SLC14A2: variants seen among roughly 807,000 people sequenced by gnomAD.
The protein encoded by SLC14A2 is solute carrier family 14 member 2.
SLC14A2 carries 91 observed loss-of-function variants against 104.6 expected under a neutral mutation model. That is an observed-to-expected ratio of 0.87 (90% confidence interval 0.73 to 1.04). The LOEUF is 1.04. Ranked by LOEUF, SLC14A2 falls within the 50% of genes least tolerant of loss-of-function variation. The pLI is 0.00. For synonymous variants in SLC14A2, 476 were observed against 466.4 expected (o/e 1.02, Z -0.27); for missense variants, 1,189 against 1,156.0 (o/e 1.03, Z -0.41).
chr18:45,420,897 C>T (rs1001222164), intron 1 of SLC14A2, among the ~76,000 whole-genome samples: 7 of 151,938 alleles, frequency 4.6e-5, no homozygotes, highest in African/African-American at 7.3e-5. Flanking sequence ...TGCACCACCA[C>T]GCCTAGCTAA....
chr18:45,375,541 C>T (rs1239215719), intron 1 of SLC14A2, among the ~76,000 whole-genome samples: 5 of 152,218 alleles, frequency 3.3e-5, no homozygotes, highest in Non-Finnish European at 7.3e-5. Context: ...TCCTTAAAAA[C>T]TCTGATTCCA....
chr18:45,265,062 G>C lies in SLC14A2; in HGVS notation c.-125+51871G>C, dbSNP rs529346126. 2.0e-5 allele frequency among the ~76,000 whole-genome samples: 3 copies of C among 152,094 alleles called. No individual in the cohort carries two copies. The East Asian group carries it at 5.8e-4, about 29-fold the overall frequency. ...AACCCAGTGAGTGGGCCATGTCTTTGTATGCACCTATACATTCACTCAGTT... is the reference window on the plus strand; with the variant it reads ...AACCCAGTGAGTGGGCCATGTCTTTCTATGCACCTATACATTCACTCAGTT... On this transcript the variant is annotated intron_variant, in intron 1 of 20. Coordinates refer to the SLC14A2 transcript ENST00000586448.
At chr18:45,544,447 C>T (rs1017619821) in intron 2 of SLC14A2, among the ~76,000 whole-genome samples, 14 of 152,114 alleles carry the variant, frequency 9.2e-5, no homozygotes, top group African/African-American at 2.4e-4. Flanking sequence ...CAATTGCATT[C>T]TTGTTTGTTC....
At chr18:45,503,310 A>G (rs1299044172) in intron 2 of SLC14A2, among the ~76,000 whole-genome samples, 1 of 152,146 alleles carries the variant, frequency 6.6e-6, no homozygotes, top group Non-Finnish European at 1.5e-5. Flanking sequence ...AACAAGCTCT[A>G]CAAGGGGTCT....
At chr18:45,382,841 G>A (rs1386034953) in intron 1 of SLC14A2, among the ~76,000 whole-genome samples, 1 of 152,214 alleles carries the variant, frequency 6.6e-6, no homozygotes, top group Admixed American at 6.5e-5. Flanking sequence ...TTCATGGGCA[G>A]TATATGGGAG....
chr18:45,434,746 G>A (rs1344711270), intron 1 of SLC14A2, among the ~76,000 whole-genome samples: 1 of 152,138 alleles, frequency 6.6e-6, no homozygotes, highest in South Asian at 2.1e-4. Context: ...ACTGCAATTG[G>A]TTTCTAAAGA....
chr18:45,415,810 T>C (rs577181378), intron 1 of SLC14A2, among the ~76,000 whole-genome samples: 303 of 152,234 alleles, frequency 2.0e-3, no homozygotes, highest in Middle Eastern at 6.8e-3. Flanking sequence ...ACATTGGGTC[T>C]GTGGGGGATA....
upstream of SLC14A2, among the ~76,000 whole-genome samples, chr18:45,612,651 T>G (rs73423771): frequency 6.6e-6 from 1 of 152,348 alleles, no homozygotes; most frequent in East Asian, 1.9e-4. Context: ...AGAGAGGTTG[T>G]GGGGCTTCCC....
intron 1 of SLC14A2, among the ~76,000 whole-genome samples, chr18:45,452,552 A>G (rs568344340): frequency 2.3e-4 from 35 of 152,354 alleles, no homozygotes; most frequent in African/African-American, 7.5e-4. Flanking sequence ...GGTGAATGCC[A>G]TAGAAATTAG....
intron 2 of SLC14A2, among the ~76,000 whole-genome samples, chr18:45,551,023 TAG>T (rs1217266183): frequency 1.3e-5 from 2 of 152,300 alleles, no homozygotes; most frequent in Non-Finnish European, 2.9e-5. Flanking sequence ...GAATTTCATT[TAG>T]ATACAGAAAG....
chr18:45,287,705 T>C (rs2084828561), intron 1 of SLC14A2, among the ~76,000 whole-genome samples: 1 of 152,182 alleles, frequency 6.6e-6, no homozygotes, highest in Non-Finnish European at 1.5e-5. Flanking sequence ...ACTTCCACCT[T>C]CTCTGGCTTC....
intron 1 of SLC14A2, among the ~76,000 whole-genome samples, chr18:45,440,220 T>TTG (rs1015190649): frequency 1.3e-5 from 2 of 149,688 alleles, no homozygotes; most frequent in African/African-American, 2.5e-5. Context: ...TTTTTCAAGT[T>TTG]TTTTTTTTTT....
upstream of SLC14A2, among the ~76,000 whole-genome samples, chr18:45,612,915 T>C (rs1282193893): frequency 6.6e-6 from 1 of 152,228 alleles, no homozygotes; most frequent in Non-Finnish European, 1.5e-5. Context: ...TGTGACAAGG[T>C]CCAAGTTTGC....
intron 2 of SLC14A2, among the ~76,000 whole-genome samples, chr18:45,569,049 C>A (rs2044308347): frequency 6.6e-6 from 1 of 152,168 alleles, no homozygotes; most frequent in Non-Finnish European, 1.5e-5. Flanking sequence ...CCACCTCTCC[C>A]ATTTCTCCCT....
chr18:45,179,574 C>G, the SLC14A2 span, among the ~76,000 whole-genome samples: 1 of 152,150 alleles, frequency 6.6e-6, no homozygotes, highest in Non-Finnish European at 1.5e-5. Flanking sequence ...TCCTAAACAT[C>G]CAGCTGACAT....
intron 2 of SLC14A2, among the ~76,000 whole-genome samples, chr18:45,505,965 C>CTGAAAACTTCAGAGAAGCACCT (rs1465747249): frequency 2.0e-5 from 3 of 152,154 alleles, no homozygotes; most frequent in African/African-American, 7.2e-5. Flanking sequence ...AAGGGCCAAG[C>CTGAAAACTTCAGAGAAGCACCT]TGAAAACTTC....
intron 1 of SLC14A2, among the ~76,000 whole-genome samples, chr18:45,237,349 G>C (rs7227362): frequency 6.6e-6 from 1 of 152,120 alleles, no homozygotes; most frequent in Non-Finnish European, 1.5e-5. Context: ...CCCTGGTTAC[G>C]TATAAAGATG....
chr18:45,187,202 G>A, the SLC14A2 span, among the ~76,000 whole-genome samples: 19 of 152,228 alleles, frequency 1.2e-4, 1 homozygote, highest in Non-Finnish European at 1.0e-4. Context: ...CCTAAGCAAT[G>A]ACCTGTATGG....
At chr18:45,566,640 G>A (rs767091219) in intron 2 of SLC14A2, among the ~76,000 whole-genome samples, 4 of 152,144 alleles carry the variant, frequency 2.6e-5, no homozygotes, top group Non-Finnish European at 5.9e-5. Flanking sequence ...GCTTCAGCCA[G>A]CCAGTTGCTG....
Sources: allele counts gnomAD v4.1 joint callset (sites outside exome capture counted in the v4.1 genomes callset), GRCh38; gene constraint gnomAD v4.1.1; transcripts MANE v1.5; gene names NCBI Gene and HGNC (gene_info 2026-07-23, HGNC 2026-07-21).